Variants in COQ10B observed in about 807,000 individuals in gnomAD.
COQ10B encodes the protein coenzyme Q-binding protein COQ10 homolog B, mitochondrial.
COQ10B carries 12 observed loss-of-function variants against 27.6 expected under a neutral mutation model. The observed-to-expected ratio is 0.43, with a 90% CI of 0.28 to 0.70. The LOEUF (loss-of-function observed/expected upper bound fraction) is 0.70, where lower values mean the gene tolerates loss of function less well. Among genes scored for constraint, COQ10B ranks in the 30% least tolerant of loss-of-function variants. The probability of loss-of-function intolerance (pLI) is 0.17; values close to 1 mark genes in which losing one functional copy is unlikely to be tolerated. For missense variants in COQ10B, 278 were observed against 288.7 expected (o/e 0.96, Z 0.27); for synonymous variants, 115 against 103.0 (o/e 1.12, Z -0.71).
In COQ10B at chr2:197,473,804, C is replaced by G. The variant is rs1443981416; in HGVS notation, c.597C>G (p.Leu199=). Residue 199 remains leucine, a synonymous_variant, in exon 5 of 5, where the codon CTC becomes CTG. Coordinates refer to ENST00000263960, the MANE Select transcript of COQ10B (RefSeq NM_025147.5). ...TTCTACATTCCCAGCTTGCCACACT[C>G]TTTTTTGATGAAGTTGTGAAGCAGA... ...RSLLHSQLAT[L]FFDEVVKQMV... 6.3e-7 allele frequency: 1 copy of G among 1,595,720 alleles called. No individual in the cohort carries two copies. The highest frequency in any genetic ancestry group is 8.6e-7 in the Non-Finnish European group (1 of 1,168,818).
At chr2:197,472,210 C>CTT (rs1297184561) in intron 4 of COQ10B, among the ~76,000 whole-genome samples, 6 of 151,500 alleles carry the variant, frequency 4.0e-5, no homozygotes, top group Non-Finnish European at 7.4e-5. Context: ...ATATTTGGTC[C>CTT]TTAAAACACA....
At chr2:197,469,637 C>A (rs933422882) in intron 3 of COQ10B, among the ~76,000 whole-genome samples, 2 of 152,088 alleles carry the variant, frequency 1.3e-5, no homozygotes, top group African/African-American at 2.4e-5. Flanking sequence ...TAAATGTGTA[C>A]CAGGTACCTT....
intron 1 of COQ10B, chr2:197,454,104 C>T: frequency 6.5e-7 from 1 of 1,549,812 alleles, no homozygotes; most frequent in Non-Finnish European, 8.7e-7. Context: ...TGCGTTTTCC[C>T]AATTTCTGAA....
rs1162295294 is a variant in COQ10B at position 197,474,392 on chromosome 2, G to A, written c.*468G>A. The A allele has an allele frequency of 6.6e-6, 1 of 152,252 alleles. No homozygotes were observed. Among genetic ancestry groups the A allele is most frequent in the Non-Finnish European group, 1.5e-5 (1 of 68,062 alleles). 9.4% of individuals were successfully genotyped at this position (152,252 alleles called of 1,614,324 possible). The stretch of plus-strand genomic sequence containing the variant: ...ATATTTGAGTAATCATATATTTAAA[G>A]TAAAAACTTTGGGCTGGGCACAGTG... On this transcript the variant is annotated 3_prime_UTR_variant, in exon 5 of 5. Transcript: ENST00000263960.
intron 2 of COQ10B, 122 bp downstream of exon 2, chr2:197,460,203 CCTTTTT>C (rs1267521603): frequency 1.6e-6 from 1 of 641,028 alleles, no homozygotes; most frequent in Non-Finnish European, 2.4e-6. Flanking sequence ...TCTAGGTTGG[CCTTTTT>C]CTTTTTTTTT....
Position 197,453,613 on chromosome 2 carries a change from G to T in COQ10B, c.53G>T (p.Arg18Leu). 1 of 1,614,026 alleles carries T rather than the reference G, an allele frequency of 6.2e-7. No homozygotes were observed. Among genetic ancestry groups the T allele is most frequent in the Non-Finnish European group, 8.5e-7 (1 of 1,179,994 alleles). Residue 18 changes from arginine to leucine, a missense_variant, in exon 1 of 5, where the codon CGT (arginine) becomes CTT (leucine). Physicochemically the swap from Arg to Leu is moderately radical, Grantham distance 102. Coordinates refer to ENST00000263960, the MANE Select transcript of COQ10B (RefSeq NM_025147.5). ...TALRRVVSGC[R>L]PKSATAAGAQ... is the part of the protein sequence containing the mutation. ...TTGAGAAGGGTAGTCTCGGGATGCCGTCCGAAGTCGGCGACAGCGGCCGGG... is the reference window on the plus strand; with the variant it reads ...TTGAGAAGGGTAGTCTCGGGATGCCTTCCGAAGTCGGCGACAGCGGCCGGG...
intron 2 of COQ10B, among the ~76,000 whole-genome samples, chr2:197,460,816 C>T (rs895791922): frequency 1.3e-5 from 2 of 152,084 alleles, no homozygotes; most frequent in Admixed American, 6.6e-5. Flanking sequence ...CATTGTAGTC[C>T]GAAGGCAGAC....
intron 1 of COQ10B, among the ~76,000 whole-genome samples, chr2:197,456,580 C>G (rs1047909807): frequency 1.3e-5 from 2 of 150,304 alleles, no homozygotes; most frequent in Non-Finnish European, 3.0e-5. Flanking sequence ...CTGGCTAACA[C>G]AGTGAAACCC....
intron 3 of COQ10B, among the ~76,000 whole-genome samples, chr2:197,464,401 T>A (rs2085801844): frequency 6.6e-6 from 1 of 152,048 alleles, no homozygotes; most frequent in Non-Finnish European, 1.5e-5. Flanking sequence ...TTGTTAGGCA[T>A]TGAAGGGGGT....
Position 197,467,250 on chromosome 2 carries a change from G to A in COQ10B, c.448-2820G>A, listed in dbSNP as rs533386245. ...GAATGAGCCACCATGCCTGGCCTGG[G>A]TTCTGGATTTTATTTATTTATTTAT... On this transcript the variant is annotated intron_variant, in intron 3 of 4. Coordinates refer to ENST00000263960, the MANE Select transcript of COQ10B (RefSeq NM_025147.5). Among the ~76,000 whole-genome samples the A allele has an allele frequency of 2.3e-3, 326 of 143,348 alleles. 2 individuals carry two copies. Among genetic ancestry groups the A allele is most frequent in the Middle Eastern group, 0.014 (4 of 276 alleles). 94.0% of individuals were successfully genotyped at this position (143,348 alleles called of 152,430 possible).
intron 1 of COQ10B, among the ~76,000 whole-genome samples, chr2:197,455,039 C>CA (rs1489706318): frequency 6.6e-6 from 1 of 152,088 alleles, no homozygotes; most frequent in Non-Finnish European, 1.5e-5. Context: ...CTATAGCATG[C>CA]AGATTGATCA....
intron 2 of COQ10B, among the ~76,000 whole-genome samples, chr2:197,461,050 C>T (rs915306924): frequency 2.0e-5 from 3 of 152,128 alleles, no homozygotes; most frequent in Admixed American, 1.3e-4. Context: ...AAGTGCATTT[C>T]GTTAATTTTA....
At chr2:197,457,265 A>T (rs1026347201) in intron 1 of COQ10B, among the ~76,000 whole-genome samples, 1 of 152,198 alleles carries the variant, frequency 6.6e-6, no homozygotes, top group Non-Finnish European at 1.5e-5. Flanking sequence ...TCCGTCTTCT[A>T]TACCACTGTA....
intron 1 of COQ10B, chr2:197,454,057 C>A: frequency 6.4e-7 from 1 of 1,551,202 alleles, no homozygotes; most frequent in Non-Finnish European, 8.7e-7. Flanking sequence ...GCGGTGAGCC[C>A]CCTTCTCCGG....
intron 1 of COQ10B, among the ~76,000 whole-genome samples, chr2:197,455,059 C>G (rs572947831): frequency 8.5e-5 from 13 of 152,110 alleles, no homozygotes; most frequent in African/African-American, 2.4e-4. Flanking sequence ...AGAAAATGTC[C>G]TGTTAGTTTG....
chr2:197,473,971 A>C lies in COQ10B; in HGVS notation c.*47A>C, dbSNP rs200384764. 7.3e-6 allele frequency: 10 copies of C among 1,373,798 alleles called. No individual in the cohort carries two copies. Among genetic ancestry groups the C allele is most frequent in the Non-Finnish European group, 7.7e-6 (8 of 1,039,802 alleles). The allele number at this position is 1,373,798 out of a possible 1,614,324, so 85.1% of individuals were successfully genotyped here. A position where few individuals can be genotyped will look rare whatever the true frequency, so the allele number is the denominator to read the frequency against. ...ACCTGCTTCTGACTTTAGTTTGTTC[A>C]CTTTTAGGAAGTATTTTCATGACAT... On this transcript the variant is annotated 3_prime_UTR_variant, in exon 5 of 5. Coordinates refer to ENST00000263960, the MANE Select transcript of COQ10B (RefSeq NM_025147.5).
intron 3 of COQ10B, among the ~76,000 whole-genome samples, chr2:197,467,986 G>A (rs2085842729): frequency 6.6e-6 from 1 of 152,178 alleles, no homozygotes; most frequent in South Asian, 2.1e-4. Context: ...AGAACAGTCA[G>A]TAGTAGGTCA....
chr2:197,469,986 T>G (rs2085862319), intron 3 of COQ10B, 84 bp from the exon 4 acceptor site: 1 of 763,546 alleles, frequency 1.3e-6, no homozygotes, highest in South Asian at 1.7e-5. Flanking sequence ...ATGAAAGAAA[T>G]CAGCCTCAGT....
At position 197,475,010 on chromosome 2, in the gene COQ10B, T is replaced by A. The variant is rs2106063149; in HGVS notation, c.*1086T>A. On this transcript the variant is annotated 3_prime_UTR_variant, in exon 5 of 5. Coordinates refer to ENST00000263960, the MANE Select transcript of COQ10B (RefSeq NM_025147.5). ...AGCACTATGCATCCCTATTTTCTAT[T>A]TATTGTGTACACTCACTTTCAGTAA... 1 of 152,408 alleles carries A rather than the reference T, an allele frequency of 6.6e-6. No homozygotes were observed. Among genetic ancestry groups the A allele is most frequent in the African/African-American group, 2.4e-5 (1 of 41,564 alleles). The allele number at this position is 152,408 out of a possible 1,614,324, so 9.4% of individuals were successfully genotyped here.
Sources: gnomAD v4.1 joint callset for allele counts (sites outside exome capture counted in the v4.1 genomes callset) on GRCh38, gnomAD v4.1.1 for gene constraint, MANE v1.5 for transcripts, NCBI Gene and HGNC (gene_info 2026-07-23, HGNC 2026-07-21) for gene names.